Variants in PON3 observed in about 807,000 individuals in gnomAD.
The protein encoded by PON3 is serum paraoxonase/lactonase 3.
PON3 carries 37 observed loss-of-function variants against 36.3 expected under a neutral mutation model. The ratio of observed to expected loss-of-function variants is 1.02; its 90% CI spans 0.78 to 1.34. The LOEUF (loss-of-function observed/expected upper bound fraction) is 1.34, where lower values mean the gene tolerates loss of function less well. Among genes scored for constraint, PON3 ranks in the 40% most tolerant of loss-of-function variants. The probability of loss-of-function intolerance (pLI) is 0.00; values close to 1 mark genes in which losing one functional copy is unlikely to be tolerated. For synonymous variants in PON3, 155 were observed against 154.8 expected (o/e 1.00, Z -0.01); for missense variants, 415 against 426.5 (o/e 0.97, Z 0.24).
intron 4 of PON3, among the ~76,000 whole-genome samples, chr7:95,371,366 T>C (rs926002023): frequency 1.3e-5 from 2 of 152,074 alleles, no homozygotes; most frequent in Admixed American, 6.5e-5. Context: ...GTTGAGGAAA[T>C]GCAAAACTCC....
At position 95,390,135 on chromosome 7, in the gene PON3, C is replaced by G. The variant is rs756646636; in HGVS notation, c.201+19G>C. On this transcript the variant is annotated intron_variant, in intron 3 of 8. Coordinates refer to ENST00000265627, the MANE Select transcript of PON3 (RefSeq NM_000940.3). Reference sequence around the variant, plus strand: ...ACAGCTATTGATGTGAGCATGAGAGCAGCATGGAAAATACTCACACTGGAG... The same window carrying G: ...ACAGCTATTGATGTGAGCATGAGAGGAGCATGGAAAATACTCACACTGGAG... The G allele has an allele frequency of 1.3e-6, 2 of 1,586,824 alleles. No homozygotes were observed. The highest frequency in any genetic ancestry group is 2.7e-5 in the African/African-American group (2 of 74,258).
At chr7:95,384,055 C>T (rs536631487) in intron 3 of PON3, among the ~76,000 whole-genome samples, 64 of 152,270 alleles carry the variant, frequency 4.2e-4, no homozygotes, top group African/African-American at 1.5e-3. Flanking sequence ...TACCACACAT[C>T]TACAACTATC....
chr7:95,365,104 G>T (rs1167590709), intron 5 of PON3: 2 of 152,088 alleles, frequency 1.3e-5, no homozygotes, highest in Non-Finnish European at 2.9e-5. Context: ...CATAAATTAG[G>T]TTAAACTGCC....
intron 2 of PON3, among the ~76,000 whole-genome samples, chr7:95,391,633 T>A (rs966332326): frequency 6.6e-6 from 1 of 152,132 alleles, no homozygotes; most frequent in African/African-American, 2.4e-5. Context: ...AAAACACAAA[T>A]AAGAATTTTT....
intron 3 of PON3, among the ~76,000 whole-genome samples, chr7:95,378,866 T>TAAC (rs897670388): frequency 4.6e-5 from 7 of 152,174 alleles, no homozygotes; most frequent in African/African-American, 1.7e-4. Flanking sequence ...AATAACCAGC[T>TAAC]AACATCATAA....
intron 4 of PON3, among the ~76,000 whole-genome samples, chr7:95,370,357 CTGGAGAGATAT>C (rs1166971891): frequency 1.3e-5 from 2 of 152,074 alleles, no homozygotes; most frequent in South Asian, 2.1e-4. Flanking sequence ...ATATTTCAGA[CTGGAGAGATAT>C]TGGAGAGATA....
At chr7:95,384,625 A>T (rs1196915575) in intron 3 of PON3, among the ~76,000 whole-genome samples, 2 of 152,208 alleles carry the variant, frequency 1.3e-5, no homozygotes, top group African/African-American at 2.4e-5. Flanking sequence ...GCCATCAGAG[A>T]AATGCAAATC....
At position 95,367,478 on chromosome 7, in the gene PON3, C is replaced by T. The variant is rs17879114; in HGVS notation, c.378G>A (p.Val126=). The change falls in exon 5 of 9, where the codon GTG becomes GTA. Residue 126 remains valine, a synonymous_variant. Coordinates refer to ENST00000265627, the MANE Select transcript of PON3 (RefSeq NM_000940.3). ...ISIFIDKDNT[V]YLYVVNHPHM... Reference sequence around the variant, plus strand: ...GGGGATGATTCACAACATAAAGATACACAGTATTGTCTACATGGAAAAAAG... The same window carrying T: ...GGGGATGATTCACAACATAAAGATATACAGTATTGTCTACATGGAAAAAAG... The T allele has an allele frequency of 7.2e-3, 11,563 of 1,612,930 alleles. 643 individuals carry two copies. The African/African-American group carries it at 0.13, about 18-fold the overall frequency.
At chr7:95,395,211 C>T (rs1042530598) in intron 1 of PON3, among the ~76,000 whole-genome samples, 3 of 152,042 alleles carry the variant, frequency 2.0e-5, no homozygotes, top group East Asian at 1.9e-4. Context: ...TGACTTACTC[C>T]GCAAGTATGT....
chr7:95,364,073 A>G lies in PON3; in HGVS notation c.495-10T>C. The stretch of plus-strand genomic sequence containing the variant: ...CACAATGTCATTCACACTAAAGTGA[A>G]AGGGAGGTGGAAAAAGAGACCCATG... On this transcript the variant is annotated splice_polypyrimidine_tract_variant and intron_variant, in intron 5 of 8. Coordinates refer to ENST00000265627, the MANE Select transcript of PON3 (RefSeq NM_000940.3). 2 of 1,611,438 alleles carry G rather than the reference A, an allele frequency of 1.2e-6. No homozygotes were observed. Among genetic ancestry groups the G allele is most frequent in the Non-Finnish European group, 1.7e-6 (2 of 1,177,610 alleles).
rs1809289368 is a variant in PON3 at position 95,390,221 on chromosome 7, G to A, written c.146-12C>T. 1 of 1,606,074 alleles carries A rather than the reference G, an allele frequency of 6.2e-7. No individual in the cohort carries two copies. Among genetic ancestry groups the A allele is most frequent in the Non-Finnish European group, 8.5e-7 (1 of 1,172,992 alleles). ...TTCAGAGCCACTTTCTGCAAAAGAA[G>A]GGTAGAATCAGAAAAATGCATATAT... On this transcript the variant is annotated splice_polypyrimidine_tract_variant and intron_variant, in intron 2 of 8. Transcript: ENST00000265627.
intron 3 of PON3, 30 bp from the exon 4 acceptor site, chr7:95,372,368 C>G: frequency 6.2e-7 from 1 of 1,602,172 alleles, no homozygotes; most frequent in Non-Finnish European, 8.5e-7. Context: ...AGTGTGCACA[C>G]ATATACATAT....
At position 95,394,513 on chromosome 7, in the gene PON3, G is replaced by A. The variant is rs138828394; in HGVS notation, c.145+131C>T. 3.7e-4 allele frequency: 289 copies of A among 771,936 alleles called. 1 individual carries two copies. The African/African-American group carries it at 4.4e-3, about 12-fold the overall frequency. 47.8% of individuals were successfully genotyped at this position (771,936 alleles called of 1,614,324 possible). A position where few individuals can be genotyped will look rare whatever the true frequency, so the allele number is the denominator to read the frequency against. ...CCCTGAAGACCTTGCATGGGGCAGA[G>A]TGGACGGGGCAGATGTCCCACTGGG... On this transcript the variant is annotated intron_variant, in intron 2 of 8. Coordinates refer to ENST00000265627, the MANE Select transcript of PON3 (RefSeq NM_000940.3).
intron 2 of PON3, 74 bp downstream of exon 2, chr7:95,394,570 G>C: frequency 1.5e-6 from 2 of 1,328,364 alleles, no homozygotes; most frequent in Non-Finnish European, 1.1e-6. Flanking sequence ...AATTAAATGA[G>C]CTGGTAGGGC....
chr7:95,381,917 T>C lies in PON3; in HGVS notation c.201+8237A>G, dbSNP rs182177196. On this transcript the variant is annotated intron_variant, in intron 3 of 8. Coordinates refer to ENST00000265627, the MANE Select transcript of PON3 (RefSeq NM_000940.3). ...ACTATACATTCTTCTCAGCACCACA[T>C]TGCACTTATTTCAAAATTGACCACA... Among the ~76,000 whole-genome samples the C allele has an allele frequency of 6.2e-3, 950 of 152,270 alleles. 9 individuals carry two copies. Among genetic ancestry groups the C allele is most frequent in the African/African-American group, 0.022 (898 of 41,576 alleles).
intron 1 of PON3, 120 bp from the exon 2 acceptor site, chr7:95,394,834 A>T (rs1163855553): frequency 1.2e-6 from 1 of 812,722 alleles, no homozygotes; most frequent in African/African-American, 1.7e-5. Context: ...TATGAATGAC[A>T]TAACAAGTAA....
At chr7:95,369,537 G>A (rs1426322743) in intron 4 of PON3, among the ~76,000 whole-genome samples, 2 of 152,158 alleles carry the variant, frequency 1.3e-5, no homozygotes, top group African/African-American at 4.8e-5. Flanking sequence ...CACTTTGGGA[G>A]GCCAAGGCAG....
chr7:95,391,106 T>G lies in PON3; in HGVS notation c.146-897A>C, dbSNP rs546141449. On this transcript the variant is annotated intron_variant, in intron 2 of 8. Coordinates refer to ENST00000265627, the MANE Select transcript of PON3 (RefSeq NM_000940.3). ...TCATTTCTTTACTCTTTTCTTCATTTCTCCAGTCATCCCCTACAGGCACTC... is the reference window on the plus strand; with the variant it reads ...TCATTTCTTTACTCTTTTCTTCATTGCTCCAGTCATCCCCTACAGGCACTC... Among the ~76,000 whole-genome samples, 50 of 152,292 alleles carry G rather than the reference T, an allele frequency of 3.3e-4. 1 individual carries two copies. Among genetic ancestry groups the G allele is most frequent in the South Asian group, 4.1e-4 (2 of 4,824 alleles).
intron 3 of PON3, among the ~76,000 whole-genome samples, chr7:95,381,267 A>T (rs1271467881): frequency 6.6e-6 from 1 of 152,232 alleles, no homozygotes; most frequent in Non-Finnish European, 1.5e-5. Flanking sequence ...TGTAAAGACC[A>T]TCGAGGCTAG....
Sources: gnomAD v4.1 joint callset for allele counts (sites outside exome capture counted in the v4.1 genomes callset) on GRCh38, gnomAD v4.1.1 for gene constraint, MANE v1.5 for transcripts, NCBI Gene and HGNC (gene_info 2026-07-23, HGNC 2026-07-21) for gene names.